GRIK3: variants seen among roughly 807,000 people sequenced by gnomAD.
The protein encoded by GRIK3 is glutamate ionotropic receptor kainate type subunit 3, also known as glutamate receptor ionotropic, kainate 3.
Under a neutral mutation model 102.5 loss-of-function variants are expected in GRIK3, and 29 were observed. The observed-to-expected ratio is 0.28, with a 90% CI of 0.21 to 0.39. The LOEUF (loss-of-function observed/expected upper bound fraction) is 0.39. Among genes scored for constraint, GRIK3 ranks in the 10% least tolerant of loss-of-function variants. The pLI is 1.00. For synonymous variants in GRIK3, 511 were observed against 504.9 expected (o/e 1.01, Z -0.16); for missense variants, 908 against 1,252.4 (o/e 0.73, Z 4.15).
chr1:36,878,268 G>A (rs1640930727), intron 3 of GRIK3, among the ~76,000 whole-genome samples: 2 of 152,252 alleles, frequency 1.3e-5, no homozygotes, highest in South Asian at 4.1e-4. Flanking sequence ...GTGGCTGGGA[G>A]GTGGGCAGGA....
At chr1:36,816,972 G>C in intron 13 of GRIK3, 88 bp downstream of exon 13, 1 of 896,886 alleles carries the variant, frequency 1.1e-6, no homozygotes. Context: ...GGTTAGGGAA[G>C]GACAGAGACC....
intron 1 of GRIK3, among the ~76,000 whole-genome samples, chr1:36,987,050 A>G (rs1029256223): frequency 6.6e-6 from 1 of 152,198 alleles, no homozygotes; most frequent in African/African-American, 2.4e-5. Flanking sequence ...TGGCTGGCTG[A>G]GCACTCCTCT....
At chr1:36,869,041 C>T (rs1273487286) in intron 5 of GRIK3, among the ~76,000 whole-genome samples, 1 of 152,214 alleles carries the variant, frequency 6.6e-6, no homozygotes, top group African/African-American at 2.4e-5. Context: ...GCCCAGGGCC[C>T]CAGCAGGGTC....
chr1:37,030,271 T>A (rs1642807270), intron 1 of GRIK3, among the ~76,000 whole-genome samples: 1 of 152,218 alleles, frequency 6.6e-6, no homozygotes. Context: ...CACCAGTCAC[T>A]GTGAGAAATT....
At chr1:36,824,275 G>A (rs1478534156) in intron 11 of GRIK3, among the ~76,000 whole-genome samples, 3 of 152,184 alleles carry the variant, frequency 2.0e-5, no homozygotes, top group Non-Finnish European at 4.4e-5. Context: ...GGTGGGAGCT[G>A]AGAGACCCCT....
At chr1:36,899,885 A>G (rs771778034) in intron 1 of GRIK3, among the ~76,000 whole-genome samples, 2 of 152,214 alleles carry the variant, frequency 1.3e-5, no homozygotes, top group Non-Finnish European at 2.9e-5. Context: ...TTTAATGTGT[A>G]TGTGCTCAAA....
intron 1 of GRIK3, among the ~76,000 whole-genome samples, chr1:36,959,526 C>T (rs1641973625): frequency 7.6e-6 from 1 of 131,120 alleles, no homozygotes; most frequent in African/African-American, 2.7e-5. Flanking sequence ...CCCTGTGAGC[C>T]TGTGTGCCCT....
At position 37,026,876 on chromosome 1, in the gene GRIK3, G is replaced by A. The variant is rs538336469; in HGVS notation, c.115+7118C>T. Among the ~76,000 whole-genome samples the A allele has an allele frequency of 4.9e-4, 74 of 151,894 alleles. 3 individuals carry two copies. The South Asian group carries it at 0.014, about 29-fold the overall frequency. The stretch of plus-strand genomic sequence containing the variant: ...AACTTAGACATGACATGTGAGACAC[G>A]AGCTGATGTCAGAGATATGAAAATG... On this transcript the variant is annotated intron_variant, in intron 1 of 15. Transcript: ENST00000373091.
At chr1:37,033,954 C>A in intron 1 of GRIK3, 40 bp downstream of exon 1, 2 of 1,215,846 alleles carry the variant, frequency 1.6e-6, no homozygotes, top group Non-Finnish European at 1.2e-6. Flanking sequence ...CCCGCCCCCT[C>A]CCGGGCGCAC....
intron 1 of GRIK3, among the ~76,000 whole-genome samples, chr1:36,996,803 T>G (rs1376893917): frequency 6.6e-6 from 1 of 152,158 alleles, no homozygotes; most frequent in Non-Finnish European, 1.5e-5. Flanking sequence ...TCTCCCCAGC[T>G]CCGCATATCC....
At chr1:36,842,158 GTAGGCACT>G (rs1432524749) in intron 9 of GRIK3, among the ~76,000 whole-genome samples, 2 of 152,196 alleles carry the variant, frequency 1.3e-5, no homozygotes, top group East Asian at 3.9e-4. Flanking sequence ...CGGGAGCTCA[GTAGGCACT>G]TACTGATTTA....
Position 36,819,221 on chromosome 1 carries a change from A to G in GRIK3, c.1873+515T>C, listed in dbSNP as rs545172215. ...CCAGGCACCTCACAGCCAAGCGGCCACGGAGTCCCATCCACAGTGTATCCT... is the reference window on the plus strand; with the variant it reads ...CCAGGCACCTCACAGCCAAGCGGCCGCGGAGTCCCATCCACAGTGTATCCT... On this transcript the variant is annotated intron_variant, in intron 12 of 15. Coordinates refer to ENST00000373091, the MANE Select transcript of GRIK3 (RefSeq NM_000831.4). The surrounding 1 kb of genome is among the most constrained non-coding windows in gnomAD (Gnocchi z 4.1). Among the ~76,000 whole-genome samples, 4 of 152,318 alleles carry G rather than the reference A, an allele frequency of 2.6e-5. No individual in the cohort carries two copies. The East Asian group carries it at 7.7e-4, about 29-fold the overall frequency.
At chr1:36,950,646 A>G (rs951263193) in intron 1 of GRIK3, among the ~76,000 whole-genome samples, 4 of 152,350 alleles carry the variant, frequency 2.6e-5, no homozygotes, top group African/African-American at 4.8e-5. Context: ...CTGTGGCCCA[A>G]TTGGTACCCA....
rs1269792528 is a variant in GRIK3, at chr1:36,819,257, T to G, written c.1873+479A>C. Reference sequence around the variant, plus strand: ...TCCACAGTGTATCCTGAAGCTCTCTTAGTCCATTTCTGCCTTCCACTCCCA... The same window carrying G: ...TCCACAGTGTATCCTGAAGCTCTCTGAGTCCATTTCTGCCTTCCACTCCCA... On this transcript the variant is annotated intron_variant, in intron 12 of 15. Coordinates refer to ENST00000373091, the MANE Select transcript of GRIK3 (RefSeq NM_000831.4). This position sits in a 1 kb window ranked among gnomAD's most constrained non-coding sequence, Gnocchi z 4.1. 1.3e-5 allele frequency among the ~76,000 whole-genome samples: 2 copies of G among 152,128 alleles called. No individual in the cohort carries two copies. Among genetic ancestry groups the G allele is most frequent in the Non-Finnish European group, 2.9e-5 (2 of 68,018 alleles).
chr1:36,985,905 G>A (rs1010492121), intron 1 of GRIK3, among the ~76,000 whole-genome samples: 8 of 152,138 alleles, frequency 5.3e-5, no homozygotes, highest in Non-Finnish European at 1.0e-4. Flanking sequence ...AAGGGTGAGT[G>A]TGGCCCCTTC....
chr1:36,934,977 T>C (rs1641639719), intron 1 of GRIK3, among the ~76,000 whole-genome samples: 1 of 152,202 alleles, frequency 6.6e-6, no homozygotes, highest in Non-Finnish European at 1.5e-5. Flanking sequence ...CCTGTTGTAT[T>C]TGGAGTAATT....
chr1:36,992,719 C>T (rs1410465655), intron 1 of GRIK3, among the ~76,000 whole-genome samples: 1 of 152,200 alleles, frequency 6.6e-6, no homozygotes, highest in Non-Finnish European at 1.5e-5. Context: ...ATCAGAATAG[C>T]TCACATTTAT....
chr1:37,005,313 G>A (rs887466888), intron 1 of GRIK3, among the ~76,000 whole-genome samples: 3 of 152,196 alleles, frequency 2.0e-5, no homozygotes, highest in African/African-American at 7.2e-5. Context: ...GCCCACTAGG[G>A]CTGACTCTGG....
chr1:37,002,841 A>G (rs1642492499), intron 1 of GRIK3, among the ~76,000 whole-genome samples: 4 of 151,896 alleles, frequency 2.6e-5, no homozygotes, highest in Admixed American at 1.3e-4. Context: ...AGATTTTGCC[A>G]TGTTGCCCAG....
Sources: allele counts gnomAD v4.1 joint callset (sites outside exome capture counted in the v4.1 genomes callset), GRCh38; gene constraint gnomAD v4.1.1; non-coding constraint Gnocchi (gnomAD v3.1); transcripts MANE v1.5; gene names NCBI Gene and HGNC (gene_info 2026-07-23, HGNC 2026-07-21).